ARID4B: variants seen among roughly 807,000 people sequenced by gnomAD.
ARID4B encodes the protein AT-rich interactive domain-containing protein 4B.
ARID4B carries 26 observed loss-of-function variants against 147.5 expected under a neutral mutation model. That is an observed-to-expected ratio of 0.18 (90% CI 0.13 to 0.24). The LOEUF (loss-of-function observed/expected upper bound fraction) is 0.24. Among genes scored for constraint, ARID4B ranks in the 10% least tolerant of loss-of-function variants. The pLI, the probability that ARID4B is intolerant of heterozygous loss-of-function variation, is 1.00. For missense variants in ARID4B, 1,179 were observed against 1,511.5 expected (o/e 0.78, Z 3.65); for synonymous variants, 512 against 507.9 (o/e 1.01, Z -0.11).
At chr1:235,193,372 A>G (rs1006568790) in intron 19 of ARID4B, among the ~76,000 whole-genome samples, 17 of 152,206 alleles carry the variant, frequency 1.1e-4, no homozygotes, top group Admixed American at 4.6e-4. Flanking sequence ...ACTCCAACCT[A>G]GGCTACAGAG....
At chr1:235,180,712 TAAGCTTTGCTGAA>T (rs1208948077) in intron 20 of ARID4B, 1 of 152,242 alleles carries the variant, frequency 6.6e-6, no homozygotes, top group Non-Finnish European at 1.5e-5. Context: ...CATATCTCTT[TAAGCTTTGCTGAA>T]AACCTAAAGC....
chr1:235,187,606 C>T (rs955639521), intron 19 of ARID4B, among the ~76,000 whole-genome samples: 4 of 152,196 alleles, frequency 2.6e-5, no homozygotes, highest in African/African-American at 9.6e-5. Context: ...CCAACTACCA[C>T]TGTACCTCTA....
chr1:235,175,246 T>A lies in ARID4B; in HGVS notation c.3602A>T (p.Asp1201Val). ...ATTACTGGGTTCCTTGAGATCAGGA[T>A]CCTTATCACCATTCTTTCCACATTT... ...PGKCGKNGDKDPDLKEPSNRL... is the reference protein window; with the variant it reads ...PGKCGKNGDKVPDLKEPSNRL... Residue 1201 changes from aspartate to valine, a missense_variant, in exon 22 of 24, where the codon GAT becomes GTT. Physicochemically the swap from Asp to Val is radical, Grantham distance 152. This residue lies in a region of ARID4B where 357 missense variants were observed against 427.3 expected (regional missense o/e 0.84). Transcript: ENST00000264183. The A allele has an allele frequency of 1.2e-6, 2 of 1,614,234 alleles. No individual in the cohort carries two copies. The highest frequency in any genetic ancestry group is 1.7e-6 in the Non-Finnish European group (2 of 1,180,046).
chr1:235,307,451 AAAAAAG>A (rs1293816136), intron 2 of ARID4B, among the ~76,000 whole-genome samples: 2 of 152,232 alleles, frequency 1.3e-5, no homozygotes, highest in Non-Finnish European at 2.9e-5. Context: ...TCTCTTTACA[AAAAAAG>A]AAAAAGGAAA....
intron 5 of ARID4B, among the ~76,000 whole-genome samples, chr1:235,255,248 T>TC (rs1669886613): frequency 8.4e-6 from 1 of 118,512 alleles, no homozygotes; most frequent in Non-Finnish European, 1.8e-5. Flanking sequence ...GATAGATAGA[T>TC]AGATAGATAG....
chr1:235,230,354 C>A (rs899390434), intron 10 of ARID4B, among the ~76,000 whole-genome samples: 1 of 151,452 alleles, frequency 6.6e-6, no homozygotes, highest in African/African-American at 2.4e-5. Flanking sequence ...GTGGAGGGTG[C>A]ACCGAGATTG....
chr1:235,309,851 A>C (rs1050633834), intron 2 of ARID4B, among the ~76,000 whole-genome samples: 3 of 152,176 alleles, frequency 2.0e-5, no homozygotes, highest in Non-Finnish European at 4.4e-5. Context: ...CGGCCTTGGG[A>C]TCCTGTTGAT....
intron 19 of ARID4B, among the ~76,000 whole-genome samples, chr1:235,185,938 G>T (rs919834691): frequency 2.7e-5 from 4 of 149,432 alleles, no homozygotes; most frequent in Non-Finnish European, 5.9e-5. Flanking sequence ...GTAAAGATTT[G>T]TGTCTGTCAG....
At chr1:235,197,773 A>G (rs1309747593) in intron 17 of ARID4B, among the ~76,000 whole-genome samples, 1 of 152,250 alleles carries the variant, frequency 6.6e-6, no homozygotes, top group East Asian at 1.9e-4. Context: ...GTGTAAGTAC[A>G]AATATATGGT....
intron 16 of ARID4B, among the ~76,000 whole-genome samples, chr1:235,218,217 T>C (rs1304402654): frequency 6.6e-6 from 1 of 152,148 alleles, no homozygotes. Context: ...GGCAGTCACA[T>C]CAGGAAAATT....
At chr1:235,249,059 G>A (rs1001767132) in intron 6 of ARID4B, among the ~76,000 whole-genome samples, 6 of 152,166 alleles carry the variant, frequency 3.9e-5, no homozygotes, top group Non-Finnish European at 4.4e-5. Flanking sequence ...TTGGCTGGGC[G>A]CGGTGGCTCA....
intron 22 of ARID4B, among the ~76,000 whole-genome samples, chr1:235,173,073 C>A (rs1663481834): frequency 6.6e-6 from 1 of 152,042 alleles, no homozygotes; most frequent in African/African-American, 2.4e-5. Context: ...GGGCTGGGCA[C>A]GGTGGCTCAC....
At chr1:235,271,427 C>T (rs768284678) in intron 2 of ARID4B, among the ~76,000 whole-genome samples, 33 of 151,298 alleles carry the variant, frequency 2.2e-4, no homozygotes, top group Non-Finnish European at 5.9e-5. Flanking sequence ...GTCAGGAGTT[C>T]GAGTCCAGCC....
At chr1:235,282,784 T>A (rs1266192936) in intron 2 of ARID4B, among the ~76,000 whole-genome samples, 1 of 152,032 alleles carries the variant, frequency 6.6e-6, no homozygotes, top group Admixed American at 6.6e-5. Context: ...ATTTTATTTA[T>A]TTATTTATTT....
chr1:235,284,780 A>T (rs12402448), intron 2 of ARID4B, among the ~76,000 whole-genome samples: 41,944 of 152,096 alleles, frequency 0.28, 7,369 homozygotes, highest in South Asian at 0.53. Flanking sequence ...TATAATCCCA[A>T]CACTTTGGGA....
intron 17 of ARID4B, among the ~76,000 whole-genome samples, chr1:235,203,735 G>A (rs959259236): frequency 1.3e-5 from 2 of 151,956 alleles, no homozygotes; most frequent in African/African-American, 4.8e-5. Context: ...AATTTGTACT[G>A]TCTTAGTATG....
chr1:235,208,477 TATA>T (rs1458255645), intron 17 of ARID4B, among the ~76,000 whole-genome samples: 4 of 152,100 alleles, frequency 2.6e-5, no homozygotes, highest in African/African-American at 4.8e-5. Flanking sequence ...GAGAACACAC[TATA>T]ATATTAGTAA....
chr1:235,326,585 G>C (rs939303039), intron 2 of ARID4B, among the ~76,000 whole-genome samples: 1 of 152,114 alleles, frequency 6.6e-6, no homozygotes, highest in Non-Finnish European at 1.5e-5. Context: ...CCACAATACA[G>C]TTCAGTTTCT....
chr1:235,227,810 T>A (rs1667921932), intron 11 of ARID4B, among the ~76,000 whole-genome samples: 1 of 151,754 alleles, frequency 6.6e-6, no homozygotes, highest in South Asian at 2.1e-4. Flanking sequence ...CAAAGAGATA[T>A]TGATCTTTAC....
Sources: gnomAD v4.1 joint callset for allele counts (sites outside exome capture counted in the v4.1 genomes callset) on GRCh38, gnomAD v4.1.1 for gene constraint, gnomAD v4.1.1 regional missense constraint, MANE v1.5 for transcripts, NCBI Gene and HGNC (gene_info 2026-07-23, HGNC 2026-07-21) for gene names.